The following DNAH9 variants were observed in gnomAD, a reference collection of about 807,000 sequenced individuals.
DNAH9 encodes dynein axonemal heavy chain 9.
DNAH9 carries 345 observed loss-of-function variants against 471.6 expected under a neutral mutation model. The ratio of observed to expected loss-of-function variants is 0.73; its 90% CI spans 0.67 to 0.80. The LOEUF (loss-of-function observed/expected upper bound fraction) is 0.80, where lower values mean the gene tolerates loss of function less well. Among genes scored for constraint, DNAH9 ranks in the 30% least tolerant of loss-of-function variants. The probability of loss-of-function intolerance (pLI) is 0.00; values close to 1 mark genes in which losing one functional copy is unlikely to be tolerated. For missense variants in DNAH9, 5,407 were observed against 5,609.2 expected, an observed-to-expected ratio of 0.96 and a Z score of 1.15; for synonymous variants, 2,093 against 2,123.6, an observed-to-expected ratio of 0.99 and a Z score of 0.40.
rs148818782 is a variant in DNAH9 at position 11,690,084 on chromosome 17, G to A, written c.4262G>A (p.Arg1421Gln). Residue 1421 changes from arginine to glutamine, a missense_variant, in exon 20 of 69, where the codon CGG becomes CAG. Arg to Gln is a conservative substitution (Grantham distance 43). Coordinates refer to ENST00000262442, the MANE Select transcript of DNAH9 (RefSeq NM_001372.4). ...CTGCACCACTATGAGGATGAGGTCC[G>A]GGGCATTGTGGACAAAGCTGCAAAA... The part of the protein sequence containing the change: ...LQLHHYEDEV[R>Q]GIVDKAAKEM... 62 of 1,614,054 alleles carry A rather than the reference G, an allele frequency of 3.8e-5. No individual in the cohort carries two copies. In the Middle Eastern group the frequency reaches 4.9e-4, roughly 13 times the overall value.
intron 45 of DNAH9, among the ~76,000 whole-genome samples, chr17:11,812,955 A>C (rs1187470325): frequency 6.6e-6 from 1 of 152,248 alleles, no homozygotes; most frequent in African/African-American, 2.4e-5. Context: ...ATACAGCTTT[A>C]GAGATGTCGG....
At chr17:11,925,234 G>A (rs893850614) in intron 62 of DNAH9, 22 of 453,348 alleles carry the variant, frequency 4.9e-5, no homozygotes, top group African/African-American at 4.0e-4. Flanking sequence ...GAAACAAAAG[G>A]CCGGTGGGTC....
intron 19 of DNAH9, among the ~76,000 whole-genome samples, chr17:11,683,309 G>A (rs1435101645): frequency 6.6e-6 from 1 of 152,028 alleles, no homozygotes; most frequent in Non-Finnish European, 1.5e-5. Flanking sequence ...GAGTAGCTGG[G>A]GTTACAGGTG....
At chr17:11,922,495 A>G (rs1272515782) in intron 61 of DNAH9, among the ~76,000 whole-genome samples, 1 of 152,122 alleles carries the variant, frequency 6.6e-6, no homozygotes, top group African/African-American at 2.4e-5. Flanking sequence ...TATTAGGGTC[A>G]TTTCTTTGTG....
At chr17:11,780,265 C>T (rs1968618532) in intron 38 of DNAH9, among the ~76,000 whole-genome samples, 1 of 152,184 alleles carries the variant, frequency 6.6e-6, no homozygotes, top group Non-Finnish European at 1.5e-5. Context: ...GGGAGGGCAC[C>T]GTTCATGACA....
intron 34 of DNAH9, 129 bp from the exon 35 acceptor site, chr17:11,757,416 G>T: frequency 1.2e-6 from 1 of 845,522 alleles, no homozygotes; most frequent in Non-Finnish European, 1.8e-6. Flanking sequence ...CTCACATCTT[G>T]GCCAAATCTC....
chr17:11,807,109 C>G (rs993513703), intron 43 of DNAH9, among the ~76,000 whole-genome samples: 1 of 152,050 alleles, frequency 6.6e-6, no homozygotes, highest in African/African-American at 2.4e-5. Context: ...AATCCAGAAG[C>G]CAGGGATGCA....
At chr17:11,664,758 T>C in intron 14 of DNAH9, 75 bp from the exon 15 acceptor site, 1 of 1,273,104 alleles carries the variant, frequency 7.9e-7, no homozygotes, top group Non-Finnish European at 1.1e-6. Flanking sequence ...ATGTTGTTTT[T>C]ATTTTGACTG....
At chr17:11,828,491 T>C (rs1437472679) in intron 48 of DNAH9, among the ~76,000 whole-genome samples, 1 of 99,050 alleles carries the variant, frequency 1.0e-5, no homozygotes, top group Non-Finnish European at 2.3e-5. Context: ...AAAAAAATAG[T>C]GCCCGAACAG....
Position 11,928,516 on chromosome 17 carries a change from G to A in DNAH9, c.11878-1350G>A, listed in dbSNP as rs76240297. Among the ~76,000 whole-genome samples, 9 of 152,268 alleles carry A rather than the reference G, an allele frequency of 5.9e-5. No individual in the cohort carries two copies. The East Asian group carries it at 9.6e-4, about 16-fold the overall frequency. ...TAATGAAACACATTGCAATGAAGCC[G>A]GGTGACTCCCCTTACTACAGTGAAA... On this transcript the variant is annotated intron_variant, in intron 62 of 68. Coordinates refer to ENST00000262442, the MANE Select transcript of DNAH9 (RefSeq NM_001372.4).
chr17:11,761,036 T>C (rs11867927), intron 35 of DNAH9, among the ~76,000 whole-genome samples: 3,086 of 152,332 alleles, frequency 0.02, 119 homozygotes, highest in African/African-American at 0.071. Context: ...AGCAGGCCCA[T>C]AAGGGGCAAT....
At chr17:11,762,758 GTTTTTTTTTTTGTTTTTT>G (rs1967736387) in intron 35 of DNAH9, among the ~76,000 whole-genome samples, 7 of 94,790 alleles carry the variant, frequency 7.4e-5, no homozygotes, top group Admixed American at 1.4e-4. Flanking sequence ...CTTTAGGTGC[GTTTTTTTTTTTGTTTTTT>G]TTTTTTTTTT....
Position 11,784,289 on chromosome 17 carries a change from T to C in DNAH9, c.7822-11T>C. ...ACGGATGTTGAGCTCATGCCTTTGT[T>C]TCCTGTACAGCGTCACTTCAGCGTG... is the stretch of plus-strand genomic sequence containing the variant. On this transcript the variant is annotated splice_polypyrimidine_tract_variant and intron_variant, in intron 40 of 68. Coordinates refer to ENST00000262442, the MANE Select transcript of DNAH9 (RefSeq NM_001372.4). 6.2e-7 allele frequency: 1 copy of C among 1,613,704 alleles called. No individual in the cohort carries two copies. The highest frequency in any genetic ancestry group is 8.5e-7 in the Non-Finnish European group (1 of 1,179,576).
At chr17:11,968,928 T>C (rs1414412642) in intron 68 of DNAH9, among the ~76,000 whole-genome samples, 2 of 152,148 alleles carry the variant, frequency 1.3e-5, no homozygotes, top group Non-Finnish European at 2.9e-5. Flanking sequence ...TGGCAGAAAC[T>C]GTGTCTTAGT....
chr17:11,665,989 G>T (rs1235488139), intron 15 of DNAH9, among the ~76,000 whole-genome samples: 4 of 152,194 alleles, frequency 2.6e-5, no homozygotes, highest in African/African-American at 9.6e-5. Flanking sequence ...TGGCTGAGGT[G>T]TTAGGCATGG....
chr17:11,735,921 C>G (rs112414498), intron 28 of DNAH9, among the ~76,000 whole-genome samples: 4 of 152,314 alleles, frequency 2.6e-5, no homozygotes, highest in African/African-American at 9.6e-5. Flanking sequence ...AAAGCATGTG[C>G]TTCGGCACCA....
chr17:11,861,147 G>C (rs1971832704), intron 50 of DNAH9, among the ~76,000 whole-genome samples: 1 of 151,770 alleles, frequency 6.6e-6, no homozygotes, highest in African/African-American at 2.4e-5. Context: ...TCTAGCATTA[G>C]GTATATCTTC....
At chr17:11,769,057 G>A (rs900092191) in intron 37 of DNAH9, 65 bp from the exon 38 acceptor site, 20 of 1,550,640 alleles carry the variant, frequency 1.3e-5, no homozygotes, top group East Asian at 4.5e-5. Context: ...GCTTCGGAAC[G>A]CCGCTGGTGC....
intron 14 of DNAH9, among the ~76,000 whole-genome samples, chr17:11,661,852 T>G (rs2073770702): frequency 6.6e-6 from 1 of 152,132 alleles, no homozygotes; most frequent in Non-Finnish European, 1.5e-5. Flanking sequence ...TTTTAAAATT[T>G]AAGAAAAAAT....
Sources: allele counts gnomAD v4.1 joint callset (sites outside exome capture counted in the v4.1 genomes callset), GRCh38; gene constraint gnomAD v4.1.1; transcripts MANE v1.5; gene names NCBI Gene and HGNC (gene_info 2026-07-23, HGNC 2026-07-21).